Variants in ASCC3 observed in about 807,000 individuals in gnomAD.
ASCC3 encodes ASC-1 complex subunit P200.
ASCC3 carries 158 observed loss-of-function variants against 256.3 expected under a neutral mutation model. That is an observed-to-expected ratio of 0.62 (90% CI 0.54 to 0.70). ASCC3 has a LOEUF of 0.70. Ranked by LOEUF, ASCC3 falls within the 30% of genes least tolerant of loss-of-function variation. The pLI is 0.00. For missense variants in ASCC3, 2,259 were observed against 2,626.0 expected (o/e 0.86, Z 3.05); for synonymous variants, 948 against 883.4 (o/e 1.07, Z -1.30).
intron 4 of ASCC3, among the ~76,000 whole-genome samples, chr6:100,814,988 G>A (rs1358096934): frequency 6.6e-6 from 1 of 151,798 alleles, no homozygotes; most frequent in Admixed American, 6.6e-5. Flanking sequence ...TTGGGGGTTG[G>A]TTTACTCTTG....
At chr6:100,725,854 G>A (rs1232165219) in intron 10 of ASCC3, 151 bp from the exon 11 acceptor site, 6 of 764,652 alleles carry the variant, frequency 7.8e-6, no homozygotes, top group Non-Finnish European at 1.3e-5. Flanking sequence ...ATTTACTATA[G>A]ACAACAGTCA....
At chr6:100,579,127 T>G (rs751526430) in intron 36 of ASCC3, among the ~76,000 whole-genome samples, 15 of 152,062 alleles carry the variant, frequency 9.9e-5, no homozygotes, top group Admixed American at 3.3e-4. Flanking sequence ...CACGTATATC[T>G]TCTTTTGAAA....
At position 100,590,037 on chromosome 6, in the gene ASCC3, T is replaced by C; in HGVS notation, c.5326A>G (p.Ser1776Gly). ...NPSYYNLGDV[S>G]HDSVNKFLSH... ...AGAAACTTGTTCACAGAATCATGGCTCACATCACCCAAATTGTAATAGCTA... is the reference window on the plus strand; with the variant it reads ...AGAAACTTGTTCACAGAATCATGGCCCACATCACCCAAATTGTAATAGCTA... Residue 1776 changes from serine (S) to glycine (G), a missense_variant, in exon 35 of 42, where the codon AGC (serine) becomes GGC (glycine). Around this residue, in one of 2 missense-constraint regions of ASCC3, gnomAD observed 1,839 missense variants for 2,206.7 expected, o/e 0.83. Coordinates refer to ENST00000369162, the MANE Select transcript of ASCC3 (RefSeq NM_006828.4). 6.2e-7 allele frequency: 1 copy of C among 1,613,274 alleles called. No homozygotes were observed.
rs239239 is a variant in ASCC3 at position 100,646,678 on chromosome 6, A to G, written c.3570T>C (p.Pro1190=). The part of the protein sequence containing the change: ...PSVMMEASIQ[P]ITRTVLRVTL... ...TCACTCGGAGGACAGTCCTTGTGATAGGCTGAATGGATGCTTCCATCATAA... is the reference window on the plus strand; with the variant it reads ...TCACTCGGAGGACAGTCCTTGTGATGGGCTGAATGGATGCTTCCATCATAA... Residue 1190 remains proline (P), a synonymous_variant, in exon 22 of 42, where the codon CCT becomes CCC. Coordinates refer to ENST00000369162, the MANE Select transcript of ASCC3 (RefSeq NM_006828.4). The G allele has an allele frequency of 0.54, 868,593 of 1,613,160 alleles. 236,720 individuals carry two copies. The highest frequency in any genetic ancestry group is 0.74 in the East Asian group (33,324 of 44,820).
chr6:100,513,530 T>C (rs1052066799), intron 39 of ASCC3, among the ~76,000 whole-genome samples: 9 of 152,162 alleles, frequency 5.9e-5, no homozygotes, highest in Non-Finnish European at 1.2e-4. Context: ...CCACTTATTG[T>C]ACATTTTTTG....
At chr6:100,699,221 C>T (rs1467276085) in intron 13 of ASCC3, among the ~76,000 whole-genome samples, 1 of 152,100 alleles carries the variant, frequency 6.6e-6, no homozygotes, top group South Asian at 2.1e-4. Flanking sequence ...TCTGATGTGT[C>T]GTGGGACTAA....
At chr6:100,689,380 C>G (rs1309306362) in intron 13 of ASCC3, among the ~76,000 whole-genome samples, 1 of 152,154 alleles carries the variant, frequency 6.6e-6, no homozygotes, top group African/African-American at 2.4e-5. Context: ...AAAGCTCAGA[C>G]CATTTTAATA....
At chr6:100,841,582 A>T (rs1772145027) in intron 4 of ASCC3, among the ~76,000 whole-genome samples, 1 of 152,142 alleles carries the variant, frequency 6.6e-6, no homozygotes, top group Non-Finnish European at 1.5e-5. Context: ...TGATGGGGAA[A>T]AGCATTCTAC....
At chr6:100,821,248 T>A (rs1471607096) in intron 4 of ASCC3, among the ~76,000 whole-genome samples, 1 of 152,144 alleles carries the variant, frequency 6.6e-6, no homozygotes, top group Non-Finnish European at 1.5e-5. Flanking sequence ...ACTCCTGGCC[T>A]CAAGCAACCC....
At chr6:100,823,032 A>G (rs1167178434) in intron 4 of ASCC3, among the ~76,000 whole-genome samples, 4 of 152,210 alleles carry the variant, frequency 2.6e-5, no homozygotes, top group Non-Finnish European at 5.9e-5. Flanking sequence ...TTTTTTAAAA[A>G]TAACACACCT....
chr6:100,681,816 T>G (rs1341631542), intron 13 of ASCC3, among the ~76,000 whole-genome samples: 4 of 151,874 alleles, frequency 2.6e-5, no homozygotes, highest in Non-Finnish European at 5.9e-5. Context: ...ACTGGGACAT[T>G]CTGTTTTCCT....
intron 34 of ASCC3, among the ~76,000 whole-genome samples, chr6:100,601,489 C>T (rs1772610130): frequency 6.6e-6 from 1 of 152,042 alleles, no homozygotes; most frequent in African/African-American, 2.4e-5. Flanking sequence ...TTCTGAATTC[C>T]AACTGCATCT....
chr6:100,872,473 G>T (rs563602246), intron 1 of ASCC3, among the ~76,000 whole-genome samples: 1 of 124,218 alleles, frequency 8.1e-6, no homozygotes, highest in South Asian at 2.7e-4. Flanking sequence ...AAGGGTCGGG[G>T]GGGGATCATG....
At chr6:100,559,458 C>T (rs184503787) in intron 36 of ASCC3, among the ~76,000 whole-genome samples, 156 of 152,222 alleles carry the variant, frequency 1.0e-3, no homozygotes, top group African/African-American at 3.7e-3. Flanking sequence ...TACAATAGGG[C>T]CTGGAAGGAG....
At chr6:100,541,592 A>C (rs985739662) in intron 36 of ASCC3, among the ~76,000 whole-genome samples, 2 of 152,192 alleles carry the variant, frequency 1.3e-5, no homozygotes, top group Admixed American at 1.3e-4. Flanking sequence ...CAACACCTAA[A>C]AGGATCAAAC....
chr6:100,683,647 G>C (rs1562223875), intron 13 of ASCC3, among the ~76,000 whole-genome samples: 1 of 152,016 alleles, frequency 6.6e-6, no homozygotes, highest in Non-Finnish European at 1.5e-5. Context: ...ATTAATATTA[G>C]AAACACTTTT....
rs146538918 is a variant in ASCC3, at chr6:100,848,375, T to C, written c.574A>G (p.Ile192Val). The C allele has an allele frequency of 3.3e-5, 53 of 1,613,850 alleles. No individual in the cohort carries two copies. Among genetic ancestry groups the C allele is most frequent in the Middle Eastern group, 1.6e-4 (1 of 6,084 alleles). The change falls in exon 4 of 42, where the codon ATA (isoleucine) becomes GTA (valine). Residue 192 changes from isoleucine to valine, a missense_variant. By Grantham distance (29) the Ile-to-Val change is conservative. Coordinates refer to ENST00000369162, the MANE Select transcript of ASCC3 (RefSeq NM_006828.4). The stretch of plus-strand genomic sequence containing the variant: ...AGAAACTTCTTATAATCTAGGCTTA[T>C]AGTTTTCTGAGTTTCACCATTTATT... ...LPINGETQKT[I>V]SLDYKKFLNE...
At chr6:100,763,614 A>G (rs1432600523) in intron 10 of ASCC3, among the ~76,000 whole-genome samples, 2 of 152,122 alleles carry the variant, frequency 1.3e-5, no homozygotes, top group East Asian at 3.9e-4. Context: ...ACAACAAGGG[A>G]ATGTAAGGGA....
chr6:100,745,744 ATTTAAT>A (rs954574771), intron 10 of ASCC3, among the ~76,000 whole-genome samples: 4 of 152,142 alleles, frequency 2.6e-5, no homozygotes, highest in Non-Finnish European at 5.9e-5. Flanking sequence ...TTTTAATTTT[ATTTAAT>A]TTTAATTTTA....
Sources: allele counts gnomAD v4.1 joint callset (sites outside exome capture counted in the v4.1 genomes callset), GRCh38; gene constraint gnomAD v4.1.1; regional missense constraint gnomAD v4.1.1; transcripts MANE v1.5; gene names NCBI Gene and HGNC (gene_info 2026-07-23, HGNC 2026-07-21).